PSTPIP1: variants seen among roughly 807,000 people sequenced by gnomAD.
The protein encoded by PSTPIP1 is proline-serine-threonine phosphatase interacting protein 1.
A neutral mutation model predicts 69.6 loss-of-function variants in PSTPIP1; 66 were observed. The observed-to-expected ratio is 0.95, with a 90% CI of 0.78 to 1.16. PSTPIP1 has a LOEUF of 1.16. Ranked by LOEUF, PSTPIP1 falls within the 50% of genes most tolerant of loss-of-function variation. PSTPIP1 has a pLI of 0.00. For missense variants in PSTPIP1, 603 were observed against 557.4 expected, an observed-to-expected ratio of 1.08 and a Z score of -0.82; for synonymous variants, 266 against 222.7, an observed-to-expected ratio of 1.19 and a Z score of -1.73.
At position 77,035,912 on chromosome 15, in the gene PSTPIP1, G is replaced by A. The variant is rs1378189410; in HGVS notation, c.1096G>A (p.Ala366Thr). 6.2e-7 allele frequency: 1 copy of A among 1,607,840 alleles called. No homozygotes were observed. Among genetic ancestry groups the A allele is most frequent in the Non-Finnish European group, 8.5e-7 (1 of 1,178,606 alleles). ...NPASPAQEYR[A>T]LYDYTAQNPD... ...GGCCTCACCAGCCCAGGAGTACCGG[G>A]CGCTCTACGATTATACAGCGCAGGT... The change falls in exon 14 of 15, where the codon GCG (alanine) becomes ACG (threonine). Residue 366 changes from alanine to threonine, a missense_variant. Coordinates refer to ENST00000558012, the MANE Select transcript of PSTPIP1 (RefSeq NM_003978.5).
At chr15:77,018,997 G>T (rs2076110051) in intron 3 of PSTPIP1, among the ~76,000 whole-genome samples, 1 of 152,208 alleles carries the variant, frequency 6.6e-6, no homozygotes, top group South Asian at 2.1e-4. Context: ...GCTGGCTGCT[G>T]ACACACTCTG....
At chr15:77,035,234 A>C (rs1172939664) in intron 12 of PSTPIP1, among the ~76,000 whole-genome samples, 1 of 152,156 alleles carries the variant, frequency 6.6e-6, no homozygotes, top group South Asian at 2.1e-4. Context: ...GGATCCTCCC[A>C]AGGGCCCTGC....
chr15:77,019,467 A>G (rs2076119351), intron 3 of PSTPIP1, among the ~76,000 whole-genome samples: 1 of 152,034 alleles, frequency 6.6e-6, no homozygotes, highest in Non-Finnish European at 1.5e-5. Flanking sequence ...CAAAGACACC[A>G]GGCACCCTGG....
intron 1 of PSTPIP1, among the ~76,000 whole-genome samples, chr15:76,999,895 C>A (rs773930299): frequency 6.6e-6 from 1 of 152,172 alleles, no homozygotes; most frequent in Non-Finnish European, 1.5e-5. Flanking sequence ...AAATCTAGTT[C>A]TGGACCAGAT....
At chr15:77,030,074 G>C (rs2076378826) in intron 8 of PSTPIP1, among the ~76,000 whole-genome samples, 1 of 152,008 alleles carries the variant, frequency 6.6e-6, no homozygotes, top group Admixed American at 6.6e-5. Flanking sequence ...CCTTTACTGG[G>C]ACTCAGCTAC....
At position 77,025,520 on chromosome 15, in the gene PSTPIP1, A is replaced by G; in HGVS notation, c.270A>G (p.Ser90=). The G allele has an allele frequency of 6.4e-7, 1 of 1,556,814 alleles. No individual in the cohort carries two copies. The highest frequency in any genetic ancestry group is 8.7e-7 in the Non-Finnish European group (1 of 1,150,188). ...LKQQMENVGS[S]HIQLALTLRE... is the part of the protein sequence containing the mutation. ...CAGAAATGGAGAATGTGGGCAGCTC[A>G]CACATCCAGCTGGCCCTGACCCTGC... Residue 90 remains serine, a synonymous_variant, in exon 5 of 15, where the codon TCA becomes TCG. Coordinates refer to ENST00000558012, the MANE Select transcript of PSTPIP1 (RefSeq NM_003978.5).
chr15:77,015,853 G>T (rs1030098131), intron 1 of PSTPIP1: 4 of 449,388 alleles, frequency 8.9e-6, no homozygotes, highest in South Asian at 6.2e-5. Flanking sequence ...TAGCTCACTC[G>T]GCCACAGCCC....
intron 13 of PSTPIP1, 104 bp from the exon 14 acceptor site, chr15:77,035,692 ACAGCAG>A (rs1412573043): frequency 6.8e-7 from 1 of 1,479,456 alleles, no homozygotes; most frequent in African/African-American, 1.4e-5. Context: ...GCAAGTGTGG[ACAGCAG>A]AAGGAAGAGG....
rs774530073 is a variant in PSTPIP1 at position 77,028,624 on chromosome 15, C to T, written c.488C>T (p.Ala163Val). The stretch of plus-strand genomic sequence containing the variant: ...GAGCAGGCCTTCGAGCGCATTAGCG[C>T]CAACGGCCACCAGAAGCAGGTGGAG... ...DAEQAFERIS[A>V]NGHQKQVEKS... The change falls in exon 7 of 15, where the codon GCC (alanine) becomes GTC (valine). Residue 163 changes from alanine to valine, a missense_variant. Coordinates refer to ENST00000558012, the MANE Select transcript of PSTPIP1 (RefSeq NM_003978.5). 1.1e-5 allele frequency: 18 copies of T among 1,584,636 alleles called. 1 individual carries two copies. Among genetic ancestry groups the T allele is most frequent in the Middle Eastern group, 1.7e-4 (1 of 6,050 alleles).
At position 77,027,817 on chromosome 15, in the gene PSTPIP1, G is replaced by T. The variant is rs1256690482; in HGVS notation, c.355-35G>T. On this transcript the variant is annotated intron_variant, in intron 5 of 14. Coordinates refer to ENST00000558012, the MANE Select transcript of PSTPIP1 (RefSeq NM_003978.5). The surrounding 1 kb of genome is among the most constrained non-coding windows in gnomAD (Gnocchi z 4.3). The stretch of plus-strand genomic sequence containing the variant: ...TGGCCTAGGGGAGCCTCCCGAGGCC[G>T]CGGCCCTCGGCTCAGAACCTCGTGT... 6.4e-7 allele frequency: 1 copy of T among 1,551,102 alleles called. No homozygotes were observed. Among genetic ancestry groups the T allele is most frequent in the Non-Finnish European group, 8.7e-7 (1 of 1,147,196 alleles).
intron 3 of PSTPIP1, among the ~76,000 whole-genome samples, chr15:77,023,213 T>C (rs149099456): frequency 3.9e-5 from 6 of 152,360 alleles, no homozygotes; most frequent in Non-Finnish European, 8.8e-5. Context: ...GAGCCAGGCA[T>C]TGCCCCTGTC....
intron 2 of PSTPIP1, 70 bp from the exon 3 acceptor site, chr15:77,018,387 C>T (rs889548377): frequency 6.5e-7 from 1 of 1,542,898 alleles, no homozygotes; most frequent in Admixed American, 2.0e-5. Context: ...CTTCTGTGTT[C>T]CCTCAAACCT....
chr15:77,032,772 A>C, intron 11 of PSTPIP1, 90 bp from the exon 12 acceptor site: 1 of 1,160,062 alleles, frequency 8.6e-7, no homozygotes, highest in Non-Finnish European at 1.2e-6. Flanking sequence ...GGCCAGGGCC[A>C]GATTGGGAAT....
intron 1 of PSTPIP1, among the ~76,000 whole-genome samples, chr15:77,008,443 T>C (rs561652533): frequency 7.2e-5 from 11 of 152,242 alleles, no homozygotes; most frequent in Middle Eastern, 3.4e-3. Context: ...AGAGTCCCAC[T>C]CTGTTGACCA....
chr15:77,031,082 C>A, intron 9 of PSTPIP1, 98 bp from the exon 10 acceptor site: 3 of 1,205,506 alleles, frequency 2.5e-6, no homozygotes, highest in East Asian at 2.4e-5. Flanking sequence ...GCAGAGAGGG[C>A]TGGCCTGGTC....
At chr15:77,015,449 T>C (rs1047301369) in intron 1 of PSTPIP1, among the ~76,000 whole-genome samples, 3 of 151,872 alleles carry the variant, frequency 2.0e-5, no homozygotes, top group Non-Finnish European at 4.4e-5. Context: ...GTGTGCCAGG[T>C]AGACTTGATA....
rs2076539978 is a variant in PSTPIP1 at position 77,035,535 on chromosome 15, C to G, written c.957C>G (p.Pro319=). The change falls in exon 13 of 15, where the codon CCC becomes CCG. Residue 319 remains proline (P), a synonymous_variant. Coordinates refer to ENST00000558012, the MANE Select transcript of PSTPIP1 (RefSeq NM_003978.5). ...KRFSGLLHGS[P]KTTSLAASAA... ...TCTCTGGACTGCTGCACGGAAGTCC[C>G]AAGACCACTTCGTTGGCAGCTTCTG... The G allele has an allele frequency of 1.3e-6, 2 of 1,592,626 alleles. No homozygotes were observed. Among genetic ancestry groups the G allele is most frequent in the South Asian group, 1.1e-5 (1 of 87,904 alleles).
intron 9 of PSTPIP1, 57 bp downstream of exon 9, chr15:77,030,638 C>A (rs2076392090): frequency 9.3e-6 from 14 of 1,505,586 alleles, no homozygotes. Context: ...AGACGCCCAT[C>A]CCTACTCCAG....
At chr15:77,005,933 G>A (rs2075806648) in intron 1 of PSTPIP1, among the ~76,000 whole-genome samples, 1 of 152,154 alleles carries the variant, frequency 6.6e-6, no homozygotes, top group African/African-American at 2.4e-5. Flanking sequence ...TGTGAATAAT[G>A]CTGCCATGAA....
Sources: gnomAD v4.1 joint callset for allele counts (sites outside exome capture counted in the v4.1 genomes callset) on GRCh38, gnomAD v4.1.1 for gene constraint, Gnocchi (gnomAD v3.1) non-coding constraint, MANE v1.5 for transcripts, NCBI Gene and HGNC (gene_info 2026-07-23, HGNC 2026-07-21) for gene names.